WDR90: variants seen among roughly 807,000 people sequenced by gnomAD.
WDR90 encodes the protein WD repeat domain 90.
In WDR90, 238 loss-of-function variants were observed where a neutral mutation model predicts 195.2. That is an observed-to-expected ratio of 1.22 (90% CI 1.10 to 1.36). The LOEUF (loss-of-function observed/expected upper bound fraction) is 1.36. Ranked by LOEUF, WDR90 falls within the 40% of genes most tolerant of loss-of-function variation. The pLI, the probability that WDR90 is intolerant of heterozygous loss-of-function variation, is 0.00. For missense variants in WDR90, 2,734 were observed against 2,439.5 expected (o/e 1.12, Z -2.54); for synonymous variants, 1,265 against 1,052.4 (o/e 1.20, Z -3.91).
In WDR90 at chr16:656,314, C is replaced by T; in HGVS notation, c.1979C>T (p.Pro660Leu). 1 of 1,607,916 alleles carries T rather than the reference C, an allele frequency of 6.2e-7. No homozygotes were observed. The highest frequency in any genetic ancestry group is 2.2e-5 in the East Asian group (1 of 44,830). Residue 660 changes from proline to leucine, a missense_variant, in exon 18 of 41, where the codon CCC becomes CTC. Coordinates refer to ENST00000293879, the MANE Select transcript of WDR90 (RefSeq NM_145294.5). Reference sequence around the variant, plus strand: ...ACCCCACCCACAGAGCACGAGGGCCCCGTCAGCTCAGTCTGTGTCAGCCCC... The same window carrying T: ...ACCCCACCCACAGAGCACGAGGGCCTCGTCAGCTCAGTCTGTGTCAGCCCC... ...SVLLEAEHEGPVSSVCVSPDG... is the reference protein window; with the variant it reads ...SVLLEAEHEGLVSSVCVSPDG...
At position 655,133 on chromosome 16, in the gene WDR90, T is replaced by C; in HGVS notation, c.1542T>C (p.Phe514=). 1.2e-6 allele frequency: 2 copies of C among 1,612,734 alleles called. No individual in the cohort carries two copies. Among genetic ancestry groups the C allele is most frequent in the Non-Finnish European group, 1.7e-6 (2 of 1,179,812 alleles). Residue 514 remains phenylalanine, a synonymous_variant, in exon 14 of 41, where the codon TTT becomes TTC. Coordinates refer to ENST00000293879, the MANE Select transcript of WDR90 (RefSeq NM_145294.5). ...DFDVQAFRVT[F]FDETRMASCG... ...ACGTCCAGGCCTTCCGGGTCACCTT[T>C]TTTGATGAAACCAGGTGATGCAGCC...
At position 665,623 on chromosome 16, in the gene WDR90, G is replaced by C. The variant is rs186987766; in HGVS notation, c.4312-56G>C. 1.1e-5 allele frequency: 18 copies of C among 1,610,890 alleles called. No homozygotes were observed. The South Asian group carries it at 1.6e-4, about 15-fold the overall frequency. On this transcript the variant is annotated intron_variant, in intron 34 of 40. Coordinates refer to ENST00000293879, the MANE Select transcript of WDR90 (RefSeq NM_145294.5). ...GGGGGCTGGAATAGGAAATGCCTGC[G>C]TCCCTTTACCCTGCCCAGGGGCCAA...
At chr16:659,805 C>CAGTG (rs1324174496) in intron 26 of WDR90, among the ~76,000 whole-genome samples, 2 of 152,170 alleles carry the variant, frequency 1.3e-5, no homozygotes, top group African/African-American at 4.8e-5. Context: ...ACCCCGTGAG[C>CAGTG]AGTGGAGGGC....
At chr16:667,303 C>A in intron 40 of WDR90, 129 bp from the exon 41 acceptor site, 1 of 1,283,996 alleles carries the variant, frequency 7.8e-7, no homozygotes, top group Non-Finnish European at 1.0e-6. Flanking sequence ...AGGGCACAGC[C>A]AGGAGCCCTT....
At position 667,711 on chromosome 16, in the gene WDR90, A is replaced by C; in HGVS notation, c.*122A>C. The C allele has an allele frequency of 6.9e-7, 1 of 1,456,100 alleles. No individual in the cohort carries two copies. 90.2% of individuals were successfully genotyped at this position (1,456,100 alleles called of 1,614,324 possible). ...GCTGGGACAGGCCAGGATTCACGTA[A>C]ATCGCCTGGAGCAAGCTGTTGTAAA... On this transcript the variant is annotated 3_prime_UTR_variant, in exon 41 of 41. Transcript: ENST00000293879.
In WDR90 at chr16:651,680, C is replaced by G. The variant is rs773855468; in HGVS notation, c.773C>G (p.Pro258Arg). The G allele has an allele frequency of 2.5e-6, 4 of 1,612,838 alleles. No homozygotes were observed. In the African/African-American group the frequency reaches 4.0e-5, roughly 16 times the overall value. ...LGPGPQPLPC[P>R]VASSKPVRFS... Reference sequence around the variant, plus strand: ...CCGGGGCCACAGCCTCTCCCTTGCCCGGTGGCCTCCAGCAAACCTGTGCGG... The same window carrying G: ...CCGGGGCCACAGCCTCTCCCTTGCCGGGTGGCCTCCAGCAAACCTGTGCGG... The change falls in exon 8 of 41, where the codon CCG becomes CGG. Residue 258 changes from proline (P) to arginine (R), a missense_variant. Physicochemically the swap from Pro to Arg is moderately radical, Grantham distance 103. Coordinates refer to ENST00000293879, the MANE Select transcript of WDR90 (RefSeq NM_145294.5).
chr16:657,874 C>T lies in WDR90; in HGVS notation c.2586C>T (p.Gly862=). The T allele has an allele frequency of 6.3e-7, 1 of 1,584,156 alleles. No individual in the cohort carries two copies. Among genetic ancestry groups the T allele is most frequent in the South Asian group, 1.1e-5 (1 of 87,306 alleles). ...CCAGGTGCACAGTGACAGTCATGGG[C>T]TCGGCCTCCCTTGATGAGGTGAGTC... is the stretch of plus-strand genomic sequence containing the variant. The part of the protein sequence containing the change: ...GPSRCTVTVM[G]SASLDELLRV... Residue 862 remains glycine, a synonymous_variant, in exon 21 of 41, where the codon GGC becomes GGT. Transcript: ENST00000293879.
chr16:664,240 G>A (rs575370304), intron 34 of WDR90, among the ~76,000 whole-genome samples: 1 of 152,198 alleles, frequency 6.6e-6, no homozygotes, highest in Non-Finnish European at 1.5e-5. Context: ...CCTGCTTCCC[G>A]CCTCCCCAGC....
intron 1 of WDR90, 28 bp from the exon 2 acceptor site, chr16:649,735 C>T (rs2037600121): frequency 6.5e-7 from 1 of 1,544,930 alleles, no homozygotes; most frequent in South Asian, 1.2e-5. Flanking sequence ...GGCCGAGTCC[C>T]CTGACGCCCG....
At chr16:649,584 C>T (rs2037596242) in intron 1 of WDR90, 158 bp downstream of exon 1, 3 of 1,165,300 alleles carry the variant, frequency 2.6e-6, no homozygotes, top group African/African-American at 1.6e-5. Context: ...CTCGGGCTCC[C>T]GGAGCTTGGC....
Position 658,785 on chromosome 16 carries a change from C to T in WDR90, c.2896-111C>T, listed in dbSNP as rs2037819043. The stretch of plus-strand genomic sequence containing the variant: ...GTGAGAGTGACCCCCCAAGGATCCT[C>T]TGTGCCTCCGGGGCCTCACACTGTG... On this transcript the variant is annotated intron_variant, in intron 23 of 40. Coordinates refer to ENST00000293879, the MANE Select transcript of WDR90 (RefSeq NM_145294.5). 7 of 1,556,588 alleles carry T rather than the reference C, an allele frequency of 4.5e-6. No individual in the cohort carries two copies. The South Asian group carries it at 7.1e-5, about 16-fold the overall frequency.
chr16:655,303 G>T lies in WDR90; in HGVS notation c.1557-4G>T, dbSNP rs745610412. 1 of 1,607,104 alleles carries T rather than the reference G, an allele frequency of 6.2e-7. No homozygotes were observed. The highest frequency in any genetic ancestry group is 1.1e-5 in the South Asian group (1 of 91,074). On this transcript the variant is annotated splice_polypyrimidine_tract_variant and splice_region_variant and intron_variant, in intron 14 of 40. Transcript: ENST00000293879. ...CGGCAGTGCTCAGTCCTCATTCCTT[G>T]CAGGATGGCGTCGTGCGGGCAGGGC...
At chr16:649,653 A>C in intron 1 of WDR90, 110 bp from the exon 2 acceptor site, 1 of 1,187,206 alleles carries the variant, frequency 8.4e-7, no homozygotes, top group Non-Finnish European at 1.1e-6. Context: ...TCGCCGGGGA[A>C]GGCGCGGAGA....
intron 34 of WDR90, chr16:665,174 T>G: frequency 1.6e-5 from 4 of 247,074 alleles, no homozygotes; most frequent in East Asian, 6.7e-5. Context: ...GTGCAGCGGT[T>G]TTGGGAGGAG....
chr16:662,921 C>A (rs1318475825), intron 34 of WDR90, 77 bp downstream of exon 34: 2 of 1,524,718 alleles, frequency 1.3e-6, no homozygotes, highest in Non-Finnish European at 1.8e-6. Flanking sequence ...CCATCTCCAC[C>A]AGCCCAGATG....
rs781451674 is a variant in WDR90 at position 661,890 on chromosome 16, G to T, written c.3865-1G>T. 6.2e-7 allele frequency: 1 copy of T among 1,606,888 alleles called. No homozygotes were observed. Among genetic ancestry groups the T allele is most frequent in the Non-Finnish European group, 8.5e-7 (1 of 1,176,168 alleles). On this transcript the variant is annotated splice_acceptor_variant, in intron 31 of 40. Coordinates refer to ENST00000293879, the MANE Select transcript of WDR90 (RefSeq NM_145294.5). LOFTEE classifies it high-confidence loss of function. ...CCATGGCCACTCTCATACTTTGCCA[G>T]GTGCGTCGAGAGCCAGTCCCAGAGG...
intron 4 of WDR90, 46 bp from the exon 5 acceptor site, chr16:650,493 G>T (rs763836852): frequency 3.8e-5 from 61 of 1,586,836 alleles, no homozygotes; most frequent in Non-Finnish European, 4.9e-5. Flanking sequence ...TGGGAGTCGC[G>T]GGCTGTCAGG....
chr16:661,383 T>C lies in WDR90; in HGVS notation c.3555T>C (p.His1185=), dbSNP rs755323019. Residue 1185 remains histidine, a synonymous_variant, in exon 30 of 41, where the codon CAT becomes CAC. Coordinates refer to ENST00000293879, the MANE Select transcript of WDR90 (RefSeq NM_145294.5). The part of the protein sequence containing the change: ...SASGRSSTTA[H]CQIRVWDVSG... Reference sequence around the variant, plus strand: ...CGGGCCGAAGCAGCACGACCGCCCATTGTCAGATCCGCGTCTGGGACGTGT... The same window carrying C: ...CGGGCCGAAGCAGCACGACCGCCCACTGTCAGATCCGCGTCTGGGACGTGT... The C allele has an allele frequency of 6.2e-7, 1 of 1,611,008 alleles. No individual in the cohort carries two copies. The highest frequency in any genetic ancestry group is 1.1e-5 in the South Asian group (1 of 90,996).
rs1567228239 is a variant in WDR90, at chr16:667,693, C to T, written c.*104C>T. On this transcript the variant is annotated 3_prime_UTR_variant, in exon 41 of 41. Transcript: ENST00000293879. ...GGTTGTCAATGGCCTCATGCTGGGA[C>T]AGGCCAGGATTCACGTAAATCGCCT... 1 of 1,532,348 alleles carries T rather than the reference C, an allele frequency of 6.5e-7. No homozygotes were observed. Among genetic ancestry groups the T allele is most frequent in the South Asian group, 1.2e-5 (1 of 86,324 alleles). The allele number at this position is 1,532,348 out of a possible 1,614,324, so 94.9% of individuals were successfully genotyped here.
Sources: gnomAD v4.1 joint callset for allele counts (sites outside exome capture counted in the v4.1 genomes callset) on GRCh38, gnomAD v4.1.1 for gene constraint, MANE v1.5 for transcripts, NCBI Gene and HGNC (gene_info 2026-07-23, HGNC 2026-07-21) for gene names.